RPS6KA2: variants seen among roughly 807,000 people sequenced by gnomAD.
RPS6KA2 encodes ribosomal protein S6 kinase A2, also known as ribosomal protein S6 kinase alpha-2.
Under a neutral mutation model 91.8 loss-of-function variants are expected in RPS6KA2, and 42 were observed. The observed-to-expected ratio is 0.46, with a 90% CI of 0.36 to 0.59. RPS6KA2 has a LOEUF of 0.59. Among genes scored for constraint, RPS6KA2 ranks in the 20% least tolerant of loss-of-function variants. The pLI is 0.00. For synonymous variants in RPS6KA2, 414 were observed against 393.6 expected (o/e 1.05, Z -0.61); for missense variants, 798 against 978.5 (o/e 0.82, Z 2.46).
chr6:166,725,867 G>C (rs1012685959), intron 2 of RPS6KA2, among the ~76,000 whole-genome samples: 1 of 152,260 alleles, frequency 6.6e-6, no homozygotes, highest in Non-Finnish European at 1.5e-5. Flanking sequence ...TGTCAGCTGA[G>C]GGGTGGGGAG....
chr6:166,712,845 C>T (rs755916249), intron 2 of RPS6KA2, among the ~76,000 whole-genome samples: 5 of 152,240 alleles, frequency 3.3e-5, no homozygotes, highest in Non-Finnish European at 7.3e-5. Flanking sequence ...TGAAACACAG[C>T]GTCTATCCCG....
intron 10 of RPS6KA2, among the ~76,000 whole-genome samples, chr6:166,488,090 A>T (rs1320018730): frequency 4.6e-5 from 4 of 87,254 alleles, no homozygotes; most frequent in East Asian, 8.0e-4. Context: ...GTTAGAGTTT[A>T]AAAAAAAACA....
chr6:166,581,392 C>A (rs922908102), intron 1 of RPS6KA2, among the ~76,000 whole-genome samples: 1 of 152,132 alleles, frequency 6.6e-6, no homozygotes, highest in African/African-American at 2.4e-5. Flanking sequence ...CACCTGGATG[C>A]GCAGGTCAAA....
chr6:166,471,895 C>G (rs1195088433), intron 10 of RPS6KA2, among the ~76,000 whole-genome samples: 2 of 152,252 alleles, frequency 1.3e-5, no homozygotes, highest in Non-Finnish European at 2.9e-5. Flanking sequence ...GCCCAGGGAT[C>G]TGATCCCAGG....
At chr6:166,710,580 A>G (rs1297260163) in intron 2 of RPS6KA2, among the ~76,000 whole-genome samples, 1 of 151,888 alleles carries the variant, frequency 6.6e-6, no homozygotes, top group Non-Finnish European at 1.5e-5. Flanking sequence ...CTATGCCATC[A>G]AATACTATCT....
chr6:166,489,662 C>T (rs1184230358), intron 9 of RPS6KA2, among the ~76,000 whole-genome samples: 4 of 152,146 alleles, frequency 2.6e-5, no homozygotes, highest in African/African-American at 9.7e-5. Flanking sequence ...ACTTGCAGCT[C>T]TCAGTGTCTG....
At chr6:166,686,741 G>T (rs1293678441) in intron 2 of RPS6KA2, among the ~76,000 whole-genome samples, 1 of 152,192 alleles carries the variant, frequency 6.6e-6, no homozygotes, top group Non-Finnish European at 1.5e-5. Flanking sequence ...TTTTAACTGT[G>T]CTATGTTTTG....
chr6:166,802,988 G>C (rs980209177), intron 2 of RPS6KA2, among the ~76,000 whole-genome samples: 11 of 151,334 alleles, frequency 7.3e-5, no homozygotes, highest in Admixed American at 3.9e-4. Flanking sequence ...AGACCAATTA[G>C]ACTAATTTTT....
chr6:166,439,136 T>C (rs546702627), intron 14 of RPS6KA2, among the ~76,000 whole-genome samples: 8 of 151,606 alleles, frequency 5.3e-5, no homozygotes, highest in African/African-American at 1.9e-4. Flanking sequence ...TGAGATGGAG[T>C]CTCTCTCTGT....
At chr6:166,702,364 A>C in intron 2 of RPS6KA2, 1 of 1,610,154 alleles carries the variant, frequency 6.2e-7, no homozygotes, top group South Asian at 1.1e-5. Context: ...CCATTTCATC[A>C]GGGATATAGG....
intron 2 of RPS6KA2, among the ~76,000 whole-genome samples, chr6:166,788,028 C>T (rs528498815): frequency 3.0e-4 from 44 of 147,548 alleles, no homozygotes; most frequent in Middle Eastern, 3.7e-3. Context: ...GGATATGAAC[C>T]GACACTTCTC....
upstream of RPS6KA2, among the ~76,000 whole-genome samples, chr6:166,628,651 G>C (rs1315394251): frequency 2.0e-5 from 3 of 152,202 alleles, no homozygotes; most frequent in Admixed American, 6.5e-5. Context: ...AGTGGAAGCC[G>C]GGAGTTTAGC....
intron 1 of RPS6KA2, among the ~76,000 whole-genome samples, chr6:166,547,957 A>G (rs143317529): frequency 2.0e-5 from 3 of 152,380 alleles, no homozygotes; most frequent in Non-Finnish European, 4.4e-5. Flanking sequence ...CATCAAAAAC[A>G]TTTACACATA....
In RPS6KA2 at chr6:166,626,933, C is replaced by T. The variant is rs752617376; in HGVS notation, c.87G>A (p.Leu29=). Residue 29 remains leucine (L), a synonymous_variant, in exon 1 of 21, where the codon CTG becomes CTA. Coordinates refer to ENST00000265678, the MANE Select transcript of RPS6KA2 (RefSeq NM_021135.6). This position sits in a 1 kb window ranked among gnomAD's most constrained non-coding sequence, Gnocchi z 4.1. ...RRKSRSKSSS[L]SRLEEEGVVK... ...GCGGCCGCATTACCTCGAGCCGGCT[C>T]AGGCTGGAGCTCTTGGAGCGCGACT... 4 of 1,542,124 alleles carry T rather than the reference C, an allele frequency of 2.6e-6. No individual in the cohort carries two copies. In the South Asian group the frequency reaches 3.6e-5, roughly 14 times the overall value.
intron 2 of RPS6KA2, among the ~76,000 whole-genome samples, chr6:166,780,990 G>A (rs201741452): frequency 6.6e-6 from 1 of 152,216 alleles, no homozygotes; most frequent in East Asian, 1.9e-4. Flanking sequence ...AGCAGAAAGA[G>A]ACTATTTTAC....
In RPS6KA2 at chr6:166,821,300, T is replaced by G. The variant is rs1190038480; in HGVS notation, c.123+36900A>C. On this transcript the variant is annotated intron_variant, in intron 2 of 21. Transcript: ENST00000503859. The surrounding 1 kb of genome is among the most constrained non-coding windows in gnomAD (Gnocchi z 4.1). ...CTTTCCAGCAGGCGCACCCCAGGAG[T>G]GACAAATCAGCCTTCAATTCCCTCT... Among the ~76,000 whole-genome samples the G allele has an allele frequency of 6.6e-6, 1 of 150,542 alleles. No individual in the cohort carries two copies. Among genetic ancestry groups the G allele is most frequent in the Admixed American group, 6.7e-5 (1 of 15,022 alleles).
chr6:166,812,710 C>G (rs1292769832), intron 2 of RPS6KA2, among the ~76,000 whole-genome samples: 1 of 152,216 alleles, frequency 6.6e-6, no homozygotes, highest in Non-Finnish European at 1.5e-5. Flanking sequence ...ATGCCAAAAA[C>G]TTAAAATATT....
Position 166,626,524 on chromosome 6 carries a change from T to C in RPS6KA2, c.99+397A>G, listed in dbSNP as rs767466192. The stretch of plus-strand genomic sequence containing the variant: ...TGATCAGCGCCTCGGAGGGCGGAGC[T>C]GGGGGGCTTCTCCACTCGGGACTTT... On this transcript the variant is annotated intron_variant, in intron 1 of 20. Coordinates refer to ENST00000265678, the MANE Select transcript of RPS6KA2 (RefSeq NM_021135.6). The surrounding 1 kb of genome is among the most constrained non-coding windows in gnomAD (Gnocchi z 4.1). 1.1e-4 allele frequency among the ~76,000 whole-genome samples: 16 copies of C among 152,128 alleles called. No homozygotes were observed. Among genetic ancestry groups the C allele is most frequent in the Non-Finnish European group, 1.9e-4 (13 of 68,012 alleles).
intron 1 of RPS6KA2, among the ~76,000 whole-genome samples, chr6:166,571,571 G>T (rs1784688399): frequency 6.6e-6 from 1 of 152,116 alleles, no homozygotes; most frequent in Admixed American, 6.5e-5. Context: ...AGTGGTCAAA[G>T]GAATGAAATG....
Sources: gnomAD v4.1 joint callset for allele counts (sites outside exome capture counted in the v4.1 genomes callset) on GRCh38, gnomAD v4.1.1 for gene constraint, Gnocchi (gnomAD v3.1) non-coding constraint, MANE v1.5 for transcripts, NCBI Gene and HGNC (gene_info 2026-07-23, HGNC 2026-07-21) for gene names.